RGS12: variants seen among roughly 807,000 people sequenced by gnomAD.
RGS12 encodes regulator of G protein signaling 12.
In RGS12, 66 loss-of-function variants were observed where a neutral mutation model predicts 120.1. That is an observed-to-expected ratio of 0.55 (90% CI 0.45 to 0.67). The LOEUF is 0.67. Ranked by LOEUF, RGS12 falls within the 30% of genes least tolerant of loss-of-function variation. RGS12 has a pLI of 0.00. For synonymous variants in RGS12, 827 were observed against 804.7 expected (o/e 1.03, Z -0.47); for missense variants, 1,859 against 1,957.7 (o/e 0.95, Z 0.95).
At chr4:3,425,263 A>G (rs2109186014) in intron 13 of RGS12, among the ~76,000 whole-genome samples, 1 of 152,166 alleles carries the variant, frequency 6.6e-6, no homozygotes, top group East Asian at 1.9e-4. Flanking sequence ...CGAGCTTAGG[A>G]TGGTCGTGTA....
chr4:3,406,754 G>A (rs1387040960), intron 4 of RGS12, among the ~76,000 whole-genome samples: 1 of 152,218 alleles, frequency 6.6e-6, no homozygotes, highest in Non-Finnish European at 1.5e-5. Flanking sequence ...CCTGGGGGCA[G>A]GAGCAACAGA....
At chr4:3,436,752 A>C (rs1045480968) in intron 17 of RGS12, among the ~76,000 whole-genome samples, 18 of 152,232 alleles carry the variant, frequency 1.2e-4, no homozygotes, top group African/African-American at 4.3e-4. Context: ...GGCGACCGGC[A>C]GCCGGTGAGG....
intron 3 of RGS12, among the ~76,000 whole-genome samples, chr4:3,379,005 ATGTGTGTGTGTGTGTGTGTG>A (rs3138719): frequency 1.4e-5 from 2 of 146,566 alleles, no homozygotes; most frequent in African/African-American, 2.6e-5. Context: ...GAAATGTGCG[ATGTGTGTGTGTGTGTGTGTG>A]TGTGTGTGTG....
In RGS12 at chr4:3,430,937, C is replaced by T. The variant is rs527626534; in HGVS notation, c.4096C>T (p.Pro1366Ser). Reference sequence around the variant, plus strand: ...GCCGCCCTCCACCCCCCAGGAAGTGCCAGGACCTTCCAGACCAGGTACCTC... The same window carrying T: ...GCCGCCCTCCACCCCCCAGGAAGTGTCAGGACCTTCCAGACCAGGTACCTC... Reference protein sequence around the residue: ...LPPPSTPQEVPGPSRPGSGTH... With the variant: ...LPPPSTPQEVSGPSRPGSGTH... Residue 1366 changes from proline (P) to serine (S), a missense_variant, in exon 17 of 18, where the codon CCA becomes TCA. Physicochemically the swap from Pro to Ser is moderately conservative, Grantham distance 74. Transcript: ENST00000336727. 1 of 1,612,682 alleles carries T rather than the reference C, an allele frequency of 6.2e-7. No homozygotes were observed. Among genetic ancestry groups the T allele is most frequent in the African/African-American group, 1.3e-5 (1 of 75,058 alleles).
chr4:3,376,207 A>C (rs1364608286), intron 3 of RGS12, among the ~76,000 whole-genome samples: 1 of 150,674 alleles, frequency 6.6e-6, no homozygotes, highest in African/African-American at 2.4e-5. Flanking sequence ...GCCCTGGTTC[A>C]GTTCCTTCTG....
At chr4:3,424,362 A>G (rs553110698) in intron 13 of RGS12, among the ~76,000 whole-genome samples, 1 of 152,374 alleles carries the variant, frequency 6.6e-6, no homozygotes, top group South Asian at 2.1e-4. Context: ...GAAGTGAACA[A>G]GAAGAACCTA....
intron 4 of RGS12, among the ~76,000 whole-genome samples, chr4:3,387,629 G>A (rs1372776290): frequency 1.3e-5 from 2 of 152,224 alleles, no homozygotes; most frequent in Admixed American, 6.5e-5. Flanking sequence ...TGAAAATCAT[G>A]TCATTTAATC....
chr4:3,373,708 G>C (rs541837010), intron 3 of RGS12, among the ~76,000 whole-genome samples: 6 of 152,170 alleles, frequency 3.9e-5, no homozygotes, highest in Non-Finnish European at 8.8e-5. Flanking sequence ...GTATCGGTCA[G>C]CTTACCTTTC....
chr4:3,327,938 T>C (rs1725672550), intron 2 of RGS12, among the ~76,000 whole-genome samples: 1 of 152,242 alleles, frequency 6.6e-6, no homozygotes, highest in Non-Finnish European at 1.5e-5. Context: ...ATACCTGCAC[T>C]CTTCTGTTTA....
At position 3,416,038 on chromosome 4, in the gene RGS12, G is replaced by A. The variant is rs376665811; in HGVS notation, c.2344G>A (p.Val782Ile). Reference protein sequence around the residue: ...KFLCSKATTPVNIDSQAQLAD... With the variant: ...KFLCSKATTPINIDSQAQLAD... The stretch of plus-strand genomic sequence containing the variant: ...TCTCTGCAGCAAAGCCACCACCCCG[G>A]TCAACATCGACAGCCAGGCCCAGCT... The change falls in exon 7 of 18, where the codon GTC becomes ATC. Residue 782 changes from valine (V) to isoleucine (I), a missense_variant. Around this residue, in one of 3 missense-constraint regions of RGS12, gnomAD observed 375 missense variants for 475.0 expected, o/e 0.79. Coordinates refer to ENST00000336727, the MANE Select transcript of RGS12 (RefSeq NM_001394154.1). 8 of 1,613,814 alleles carry A rather than the reference G, an allele frequency of 5.0e-6. No homozygotes were observed. Among genetic ancestry groups the A allele is most frequent in the African/African-American group, 1.3e-5 (1 of 74,880 alleles).
At chr4:3,396,040 C>T (rs543711425) in intron 4 of RGS12, among the ~76,000 whole-genome samples, 31 of 152,124 alleles carry the variant, frequency 2.0e-4, no homozygotes, top group Non-Finnish European at 3.4e-4. Flanking sequence ...AGTTGTTATA[C>T]TATATTGTTT....
At chr4:3,393,896 A>T (rs1455078933) in intron 4 of RGS12, among the ~76,000 whole-genome samples, 3 of 152,214 alleles carry the variant, frequency 2.0e-5, no homozygotes, top group Admixed American at 6.5e-5. Context: ...CTCACAACCC[A>T]GAAAGAGCAG....
intron 16 of RGS12, among the ~76,000 whole-genome samples, chr4:3,429,173 CG>C (rs1467907974): frequency 2.0e-5 from 3 of 152,024 alleles, no homozygotes; most frequent in Non-Finnish European, 4.4e-5. Flanking sequence ...CTCTTGGCTG[CG>C]GGGGTCAGTG....
rs115767912 is a variant in RGS12 at position 3,341,982 on chromosome 4, A to G, written c.1882-955A>G. Among the ~76,000 whole-genome samples the G allele has an allele frequency of 9.1e-3, 1,375 of 150,952 alleles. 18 individuals are homozygous for G. The highest frequency in any genetic ancestry group is 0.017 in the Middle Eastern group (5 of 292). ...CCCAGGCGGGAATGGGTCTGAGGACATGATGGGGTGTGTCAGCGTGGTGGT... is the reference window on the plus strand; with the variant it reads ...CCCAGGCGGGAATGGGTCTGAGGACGTGATGGGGTGTGTCAGCGTGGTGGT... On this transcript the variant is annotated intron_variant, in intron 2 of 17. Coordinates refer to ENST00000336727, the MANE Select transcript of RGS12 (RefSeq NM_001394154.1).
rs2108906100 is a variant in RGS12, at chr4:3,374,225, C to T, written c.1999-12191C>T. Among the ~76,000 whole-genome samples the T allele has an allele frequency of 6.6e-6, 1 of 152,396 alleles. No homozygotes were observed. The highest frequency in any genetic ancestry group is 1.5e-5 in the Non-Finnish European group (1 of 68,042). On this transcript the variant is annotated intron_variant, in intron 3 of 17. Coordinates refer to ENST00000336727, the MANE Select transcript of RGS12 (RefSeq NM_001394154.1). The surrounding 1 kb of genome is among the most constrained non-coding windows in gnomAD (Gnocchi z 6.3). ...AGGGACCCCGGCCCTCCGCAGACAG[C>T]AGGAGCTGCCGAGCTCCGAGTGCTG...
At chr4:3,382,733 T>A (rs1315820009) in intron 3 of RGS12, among the ~76,000 whole-genome samples, 1 of 152,208 alleles carries the variant, frequency 6.6e-6, no homozygotes, top group Non-Finnish European at 1.5e-5. Context: ...AGTTCCCAAA[T>A]CCTCTCTTCA....
At chr4:3,323,543 A>G (rs1382144699) in intron 2 of RGS12, among the ~76,000 whole-genome samples, 2 of 152,160 alleles carry the variant, frequency 1.3e-5, no homozygotes, top group African/African-American at 4.8e-5. Flanking sequence ...CAAATTTCTC[A>G]TGTACATAGT....
chr4:3,421,683 C>T (rs1212982256), intron 10 of RGS12, among the ~76,000 whole-genome samples: 1 of 152,234 alleles, frequency 6.6e-6, no homozygotes, highest in Non-Finnish European at 1.5e-5. Context: ...CCACAGCCGG[C>T]TCAGGGACCC....
Position 3,423,638 on chromosome 4 carries a change from G to T in RGS12, c.3231G>T (p.Arg1077Ser). The T allele has an allele frequency of 6.2e-7, 1 of 1,606,934 alleles. No homozygotes were observed. Among genetic ancestry groups the T allele is most frequent in the South Asian group, 1.1e-5 (1 of 91,038 alleles). The change falls in exon 13 of 18, where the codon AGG becomes AGT. Residue 1077 changes from arginine (R) to serine (S), a missense_variant. Physicochemically the swap from Arg to Ser is moderately radical, Grantham distance 110 (BLOSUM62 -1). Transcript: ENST00000336727. Reference protein sequence around the residue: ...YGLDLSGLLVRLSGEKEPLDL... With the variant: ...YGLDLSGLLVSLSGEKEPLDL... ...TGGACCTCAGTGGCCTGCTGGTGAG[G>T]CTGGTGAGTGTTGCACGGGGCCCGG...
Sources: gnomAD v4.1 joint callset for allele counts (sites outside exome capture counted in the v4.1 genomes callset) on GRCh38, gnomAD v4.1.1 for gene constraint, gnomAD v4.1.1 regional missense constraint, Gnocchi (gnomAD v3.1) non-coding constraint, MANE v1.5 for transcripts, NCBI Gene and HGNC (gene_info 2026-07-23, HGNC 2026-07-21) for gene names.